EDA: variants seen among roughly 807,000 people sequenced by gnomAD.
EDA encodes ectodysplasin-A.
Under a neutral mutation model 23.6 loss-of-function variants are expected in EDA, and 2 were observed. The observed-to-expected ratio is 0.08, with a 90% confidence interval of 0.03 to 0.27. EDA has a LOEUF of 0.27. EDA is among the 10% of genes least tolerant of loss of function. The pLI is 1.00. For missense variants in EDA, 229 were observed against 324.2 expected, an observed-to-expected ratio of 0.71 and a Z score of 2.26; for synonymous variants, 131 against 132.0, an observed-to-expected ratio of 0.99 and a Z score of 0.05.
intron 1 of EDA, among the ~76,000 whole-genome samples, chrX:69,914,384 A>ATGAC (rs1196998633): frequency 8.9e-6 from 1 of 112,230 alleles, no homozygotes; most frequent in East Asian, 2.8e-4. Context: ...CCAGTGTCAC[A>ATGAC]TGACTAGAAA....
intron 2 of EDA, among the ~76,000 whole-genome samples, chrX:70,007,691 G>GT (rs1256823871): frequency 9.0e-6 from 1 of 111,410 alleles, no homozygotes; most frequent in Non-Finnish European, 1.9e-5. Flanking sequence ...TTGGGAAAAA[G>GT]TGACATCTTA....
chrX:69,749,438 A>C (rs757090696), intron 1 of EDA, among the ~76,000 whole-genome samples: 21 of 102,095 alleles, frequency 2.1e-4, no homozygotes, highest in Middle Eastern at 4.8e-3. Context: ...ATTTATAGTC[A>C]TTTGGGTATA....
intron 2 of EDA, among the ~76,000 whole-genome samples, chrX:69,996,702 A>G (rs1272106357): frequency 2.7e-5 from 3 of 111,921 alleles, no homozygotes; most frequent in African/African-American, 9.8e-5. Context: ...AAAGCCTGAT[A>G]CAGTTTGGCT....
At chrX:69,934,308 A>C (rs1325509686) in intron 1 of EDA, among the ~76,000 whole-genome samples, 4 of 112,228 alleles carry the variant, frequency 3.6e-5, no homozygotes. Flanking sequence ...TCAATGCCTG[A>C]ATACTAGCAG....
chrX:69,785,954 A>G (rs1406093946), intron 1 of EDA, among the ~76,000 whole-genome samples: 1 of 111,187 alleles, frequency 9.0e-6, no homozygotes, highest in Non-Finnish European at 1.9e-5. Flanking sequence ...GCTATTGATT[A>G]TTGCCGCAAT....
chrX:69,654,687 C>T (rs372182930), intron 1 of EDA, among the ~76,000 whole-genome samples: 1 of 105,990 alleles, frequency 9.4e-6, no homozygotes, highest in African/African-American at 3.5e-5. Flanking sequence ...CTCAGCAAAC[C>T]ATCGCAAGGA....
chrX:69,951,027 CACATGTAT>C (rs1454128896), intron 1 of EDA, among the ~76,000 whole-genome samples: 3 of 104,358 alleles, frequency 2.9e-5, no homozygotes, highest in African/African-American at 1.1e-4. Context: ...ACCAACATGG[CACATGTAT>C]ACATATGTAA....
At chrX:69,975,327 A>G (rs971465400) in intron 2 of EDA, among the ~76,000 whole-genome samples, 1 of 111,737 alleles carries the variant, frequency 8.9e-6, no homozygotes, top group South Asian at 3.7e-4. Flanking sequence ...ACATGGATAC[A>G]GCTGGAGGCC....
chrX:69,732,004 G>C (rs1208347039), intron 1 of EDA, among the ~76,000 whole-genome samples: 4 of 110,517 alleles, frequency 3.6e-5, no homozygotes, highest in African/African-American at 6.6e-5. Flanking sequence ...TATATTTTTT[G>C]TGCCTTTTGA....
intron 1 of EDA, among the ~76,000 whole-genome samples, chrX:69,641,952 T>G (rs1932844211): frequency 8.9e-6 from 1 of 112,133 alleles, no homozygotes; most frequent in Non-Finnish European, 1.9e-5. Context: ...GCTGTGTAAT[T>G]CATAGGGTGG....
intron 1 of EDA, among the ~76,000 whole-genome samples, chrX:69,809,480 G>A (rs909068272): frequency 7.5e-4 from 83 of 111,237 alleles, no homozygotes; most frequent in African/African-American, 2.6e-3. Context: ...ATTACAATTC[G>A]ACATGAGATT....
At chrX:69,910,147 TG>T (rs1277730483) in intron 1 of EDA, among the ~76,000 whole-genome samples, 1 of 110,488 alleles carries the variant, frequency 9.1e-6, no homozygotes, top group East Asian at 2.8e-4. Context: ...CTCATAGATT[TG>T]GGTTTTTTTA....
At chrX:69,748,949 T>A (rs200750228) in intron 1 of EDA, among the ~76,000 whole-genome samples, 22 of 110,645 alleles carry the variant, frequency 2.0e-4, no homozygotes, top group South Asian at 8.0e-4. Context: ...CATTTTTTTT[T>A]AATTATACTT....
intron 1 of EDA, among the ~76,000 whole-genome samples, chrX:69,832,667 G>A (rs151012604): frequency 0.01 from 1,140 of 111,390 alleles, 13 homozygotes; most frequent in African/African-American, 0.036. Flanking sequence ...CTTCCTATCC[G>A]TGAGCATGGA....
At chrX:69,624,959 T>C (rs1932328824) in intron 1 of EDA, among the ~76,000 whole-genome samples, 1 of 111,278 alleles carries the variant, frequency 9.0e-6, no homozygotes, top group African/African-American at 3.3e-5. Context: ...ATCATTTATA[T>C]CTTGCCCCAA....
At chrX:69,960,094 G>A (rs973911266) in intron 2 of EDA, among the ~76,000 whole-genome samples, 1 of 111,600 alleles carries the variant, frequency 9.0e-6, no homozygotes, top group African/African-American at 3.3e-5. Context: ...GACAGGATCT[G>A]ATGTATGTTT....
At chrX:69,880,075 A>AT (rs1052077113) in intron 1 of EDA, among the ~76,000 whole-genome samples, 1 of 111,838 alleles carries the variant, frequency 8.9e-6, no homozygotes, top group African/African-American at 3.3e-5. Flanking sequence ...GAGGTTTACC[A>AT]TTTTTTTGTT....
At chrX:69,826,391 G>T (rs1187599143) in intron 1 of EDA, among the ~76,000 whole-genome samples, 7 of 109,077 alleles carry the variant, frequency 6.4e-5, no homozygotes, top group Non-Finnish European at 1.3e-4. Flanking sequence ...TCCTGTATTG[G>T]GTGCATATAT....
At position 69,918,984 on chromosome X, in the gene EDA, C is replaced by A. The variant is rs1274759175; in HGVS notation, c.397-38043C>A. Among the ~76,000 whole-genome samples the A allele has an allele frequency of 8.5e-5, 9 of 106,346 alleles. No individual in the cohort carries two copies. In the South Asian group the frequency reaches 1.6e-3, roughly 19 times the overall value. 92.3% of individuals were successfully genotyped at this position (106,346 alleles called of 115,157 possible). A position where few individuals can be genotyped will look rare whatever the true frequency, so the allele number is the denominator to read the frequency against. ...GATAATTTATTGTATTTTTTAATCC[C>A]CATTACAAAAAAAAAAAACTCTTGG... On this transcript the variant is annotated intron_variant, in intron 1 of 7. Transcript: ENST00000374552.
Sources: allele counts gnomAD v4.1 joint callset (sites outside exome capture counted in the v4.1 genomes callset), GRCh38; gene constraint gnomAD v4.1.1; transcripts MANE v1.5; gene names NCBI Gene and HGNC (gene_info 2026-07-23, HGNC 2026-07-21).